CPQ: variants seen among roughly 807,000 people sequenced by gnomAD.
The protein encoded by CPQ is Ser-Met dipeptidase.
Under a neutral mutation model 45.7 loss-of-function variants are expected in CPQ, and 37 were observed. The ratio of observed to expected loss-of-function variants is 0.81; its 90% confidence interval spans 0.62 to 1.07. The LOEUF (loss-of-function observed/expected upper bound fraction) is 1.07. Among genes scored for constraint, CPQ ranks in the 50% least tolerant of loss-of-function variants. CPQ has a pLI of 0.00. For synonymous variants in CPQ, 186 were observed against 205.8 expected (o/e 0.90, Z 0.82); for missense variants, 537 against 572.9 (o/e 0.94, Z 0.64).
chr8:96,926,611 CT>C (rs1812889469), intron 4 of CPQ, among the ~76,000 whole-genome samples: 1 of 148,790 alleles, frequency 6.7e-6, no homozygotes, highest in African/African-American at 2.5e-5. Flanking sequence ...TCTTCTTCTT[CT>C]TCTTCTTCTT....
intron 1 of CPQ, among the ~76,000 whole-genome samples, chr8:96,701,125 A>G (rs907583645): frequency 2.7e-4 from 41 of 152,220 alleles, no homozygotes; most frequent in Admixed American, 2.7e-3. Flanking sequence ...TATATACAAT[A>G]TAGTGGAAAG....
At chr8:96,782,076 G>T (rs1008466618) in intron 1 of CPQ, among the ~76,000 whole-genome samples, 1 of 152,174 alleles carries the variant, frequency 6.6e-6, no homozygotes, top group Non-Finnish European at 1.5e-5. Context: ...GGCTGGCTTT[G>T]TGTGCTGGTA....
At chr8:96,783,030 A>C (rs1810710448) in intron 1 of CPQ, among the ~76,000 whole-genome samples, 2 of 152,162 alleles carry the variant, frequency 1.3e-5, no homozygotes, top group Admixed American at 1.3e-4. Flanking sequence ...GAATCACTCA[A>C]GTAATCTCTA....
At chr8:96,882,018 G>T (rs1377977119) in intron 4 of CPQ, among the ~76,000 whole-genome samples, 1 of 152,206 alleles carries the variant, frequency 6.6e-6, no homozygotes, top group South Asian at 2.1e-4. Context: ...ATGAAGGAAA[G>T]GGTGAAGAGT....
chr8:96,917,952 C>A (rs918974881), intron 4 of CPQ, among the ~76,000 whole-genome samples: 2 of 152,102 alleles, frequency 1.3e-5, no homozygotes, highest in Non-Finnish European at 2.9e-5. Flanking sequence ...AACTAGAGTA[C>A]AGTGCTTATA....
chr8:96,821,126 A>ATTTTTTTTTTTTTT (rs572906188), intron 2 of CPQ, among the ~76,000 whole-genome samples: 50 of 60,924 alleles, frequency 8.2e-4, no homozygotes, highest in African/African-American at 9.5e-4. Context: ...TTTAATCTGA[A>ATTTTTTTTTTTTTT]TTTTTTTTTT....
intron 5 of CPQ, among the ~76,000 whole-genome samples, chr8:97,019,809 C>G (rs994298196): frequency 1.3e-5 from 2 of 152,112 alleles, no homozygotes; most frequent in East Asian, 3.8e-4. Flanking sequence ...CAGCACTAGA[C>G]AGTTCATCAA....
At chr8:96,792,707 A>T (rs1221423736) in intron 2 of CPQ, among the ~76,000 whole-genome samples, 1 of 152,120 alleles carries the variant, frequency 6.6e-6, no homozygotes, top group Admixed American at 6.6e-5. Context: ...TTTATTTGAG[A>T]AACAGTGGAT....
chr8:97,078,807 C>T (rs923152602), intron 7 of CPQ, among the ~76,000 whole-genome samples: 11 of 133,934 alleles, frequency 8.2e-5, no homozygotes, highest in African/African-American at 3.3e-4. Context: ...CTCTCTCTCT[C>T]CCTCTCTCCT....
chr8:96,784,123 A>G (rs1428365356), intron 1 of CPQ, among the ~76,000 whole-genome samples: 1 of 152,112 alleles, frequency 6.6e-6, no homozygotes, highest in Non-Finnish European at 1.5e-5. Flanking sequence ...TGAGTGTAGC[A>G]TACTTAGTAC....
chr8:96,900,084 G>A (rs970592677), intron 4 of CPQ, among the ~76,000 whole-genome samples: 1 of 152,112 alleles, frequency 6.6e-6, no homozygotes, highest in African/African-American at 2.4e-5. Context: ...AGTGAAATAG[G>A]TATTATCCCA....
intron 4 of CPQ, among the ~76,000 whole-genome samples, chr8:96,902,923 G>C (rs927983034): frequency 6.6e-6 from 1 of 152,194 alleles, no homozygotes; most frequent in African/African-American, 2.4e-5. Context: ...TTTTCTTCTA[G>C]CTCATTCTTT....
At chr8:96,696,776 G>C (rs768201332) in intron 1 of CPQ, among the ~76,000 whole-genome samples, 1 of 152,000 alleles carries the variant, frequency 6.6e-6, no homozygotes, top group Non-Finnish European at 1.5e-5. Flanking sequence ...AGGAGAAATG[G>C]ATCTCATTCT....
At chr8:96,684,406 C>T (rs942520915) in intron 1 of CPQ, among the ~76,000 whole-genome samples, 1 of 152,152 alleles carries the variant, frequency 6.6e-6, no homozygotes, top group Non-Finnish European at 1.5e-5. Flanking sequence ...GCAGGCTGGT[C>T]CTTGGGTACC....
chr8:96,970,070 A>C (rs2130369882), intron 5 of CPQ, among the ~76,000 whole-genome samples: 1 of 152,320 alleles, frequency 6.6e-6, no homozygotes, highest in African/African-American at 2.4e-5. Context: ...GTTCTCTCTT[A>C]GAAATGGGGA....
At chr8:96,810,615 G>T (rs1563502731) in intron 2 of CPQ, among the ~76,000 whole-genome samples, 1 of 152,202 alleles carries the variant, frequency 6.6e-6, no homozygotes, top group Non-Finnish European at 1.5e-5. Context: ...CATTGGAAGA[G>T]TGTTGTTTCT....
chr8:96,880,517 T>TAATA (rs1812206680), intron 4 of CPQ, among the ~76,000 whole-genome samples: 1 of 76,554 alleles, frequency 1.3e-5, no homozygotes, highest in Non-Finnish European at 2.6e-5. Flanking sequence ...AAATATATGG[T>TAATA]CATATATATA....
At chr8:96,862,284 T>TTGTG (rs34611818) in intron 3 of CPQ, among the ~76,000 whole-genome samples, 5,184 of 141,156 alleles carry the variant, frequency 0.037, 163 homozygotes, top group African/African-American at 0.086. Context: ...ATTTTTGCAT[T>TTGTG]TGTGTGTGTG....
chr8:96,717,507 T>C (rs1272952229), intron 1 of CPQ, among the ~76,000 whole-genome samples: 2 of 152,174 alleles, frequency 1.3e-5, no homozygotes, highest in Non-Finnish European at 2.9e-5. Flanking sequence ...TCAAGAACAA[T>C]ATGATTTATT....
Sources: allele counts gnomAD v4.1 joint callset (sites outside exome capture counted in the v4.1 genomes callset), GRCh38; gene constraint gnomAD v4.1.1; transcripts MANE v1.5; gene names NCBI Gene and HGNC (gene_info 2026-07-23, HGNC 2026-07-21).